Variants in RAI1 observed in about 807,000 individuals in gnomAD.
The protein encoded by RAI1 is retinoic acid-induced protein 1.
Under a neutral mutation model 123.8 loss-of-function variants are expected in RAI1, and 9 were observed. The observed-to-expected ratio is 0.07, with a 90% CI of 0.04 to 0.13. The LOEUF is 0.13. RAI1 is among the 10% of genes least tolerant of loss of function. The pLI, the probability that RAI1 is intolerant of heterozygous loss-of-function variation, is 1.00. For missense variants in RAI1, 2,256 were observed against 2,545.8 expected (o/e 0.89, Z 2.45); for synonymous variants, 1,231 against 1,127.3 (o/e 1.09, Z -1.84).
rs183251531 is a variant in RAI1, at chr17:17,793,345, C to G, written c.397C>G (p.Pro133Ala). 1 of 1,612,914 alleles carries G rather than the reference C, an allele frequency of 6.2e-7. No homozygotes were observed. Among genetic ancestry groups the G allele is most frequent in the East Asian group, 2.2e-5 (1 of 44,866 alleles). The stretch of plus-strand genomic sequence containing the variant: ...ACAGCCACCACCCCCACAGCCGCAG[C>G]CACTACCTGCAGGGGTGGCCAAGTA... ...APQPPPPQPQ[P>A]LPAGVAKYDE... The change falls in exon 3 of 6, where the codon CCA (proline) becomes GCA (alanine). Residue 133 changes from proline to alanine, a missense_variant. Pro to Ala is a conservative substitution (Grantham distance 27, BLOSUM62 -1). Around this residue, in one of 7 missense-constraint regions of RAI1, gnomAD observed 336 missense variants for 349.8 expected, o/e 0.96. Coordinates refer to ENST00000353383, the MANE Select transcript of RAI1 (RefSeq NM_030665.4).
At chr17:17,703,682 C>T (rs555717064) in intron 1 of RAI1, among the ~76,000 whole-genome samples, 3 of 152,116 alleles carry the variant, frequency 2.0e-5, no homozygotes, top group African/African-American at 4.8e-5. Context: ...CTCTGTTTGC[C>T]GAGGCTGGAG....
intron 2 of RAI1, among the ~76,000 whole-genome samples, chr17:17,764,319 T>G (rs2030826704): frequency 6.6e-6 from 1 of 152,096 alleles, no homozygotes; most frequent in African/African-American, 2.4e-5. Context: ...CCAAACACAC[T>G]CGGGTATAAC....
chr17:17,794,321 C>A lies in RAI1; in HGVS notation c.1373C>A (p.Ala458Asp). 6.2e-7 allele frequency: 1 copy of A among 1,613,160 alleles called. No individual in the cohort carries two copies. The highest frequency in any genetic ancestry group is 8.5e-7 in the Non-Finnish European group (1 of 1,180,024). Residue 458 changes from alanine to aspartate, a missense_variant, in exon 3 of 6, where the codon GCT (alanine) becomes GAT (aspartate). By Grantham distance (126) the Ala-to-Asp change is moderately radical. Transcript: ENST00000353383. The stretch of plus-strand genomic sequence containing the variant: ...CAGCAGCTGCTGCTCTCCAAGGCTG[C>A]TGTGCCGCAGAAGAAAGGTGTCAAG... ...TVQQLLLSKA[A>D]VPQKKGVKNL...
chr17:17,725,454 C>T (rs1304574941), intron 2 of RAI1, among the ~76,000 whole-genome samples: 3 of 152,122 alleles, frequency 2.0e-5, no homozygotes, highest in African/African-American at 7.2e-5. Flanking sequence ...GGAACTTCTC[C>T]TTTCCCATTG....
chr17:17,798,165 A>G lies in RAI1; in HGVS notation c.5217A>G (p.Thr1739=), dbSNP rs2032332594. The G allele has an allele frequency of 1.9e-6, 3 of 1,613,162 alleles. No individual in the cohort carries two copies. The highest frequency in any genetic ancestry group is 2.7e-5 in the African/African-American group (2 of 75,034). Residue 1739 remains threonine, a synonymous_variant, in exon 3 of 6, where the codon ACA becomes ACG. Coordinates refer to ENST00000353383, the MANE Select transcript of RAI1 (RefSeq NM_030665.4). ...CEEASLPLER[T]LKGPECAAAA... is the part of the protein sequence containing the mutation. ...AGGCCTCGCTGCCGCTTGAGAGAACACTCAAAGGTCCCGAGTGTGCAGCTG... is the reference window on the plus strand; with the variant it reads ...AGGCCTCGCTGCCGCTTGAGAGAACGCTCAAAGGTCCCGAGTGTGCAGCTG...
intron 2 of RAI1, among the ~76,000 whole-genome samples, chr17:17,743,719 C>T (rs559669351): frequency 2.0e-4 from 31 of 152,368 alleles, no homozygotes; most frequent in African/African-American, 7.0e-4. Context: ...GGCACATGCA[C>T]GGCTCCCGTC....
chr17:17,715,751 T>C (rs1352636362), intron 1 of RAI1, among the ~76,000 whole-genome samples: 1 of 152,170 alleles, frequency 6.6e-6, no homozygotes, highest in African/African-American at 2.4e-5. Context: ...CATTCAAAGT[T>C]TCCCCTGGAC....
At chr17:17,761,588 C>T (rs1171678047) in intron 2 of RAI1, among the ~76,000 whole-genome samples, 1 of 152,126 alleles carries the variant, frequency 6.6e-6, no homozygotes, top group Non-Finnish European at 1.5e-5. Context: ...AGGAGGTGAT[C>T]CCTGAACTAG....
chr17:17,799,618 C>T lies in RAI1; in HGVS notation c.5565+1105C>T, dbSNP rs767394995. Among the ~76,000 whole-genome samples, 23 of 152,202 alleles carry T rather than the reference C, an allele frequency of 1.5e-4. No individual in the cohort carries two copies. The highest frequency in any genetic ancestry group is 2.2e-4 in the Non-Finnish European group (15 of 68,028). On this transcript the variant is annotated intron_variant, in intron 3 of 5. Transcript: ENST00000353383. This position sits in a 1 kb window ranked among gnomAD's most constrained non-coding sequence, Gnocchi z 4.5. ...GCCCCTGCCCTGAGTCCCATCCCCTCCACTCCTTCCTTCAACCCACTATGT... is the reference window on the plus strand; with the variant it reads ...GCCCCTGCCCTGAGTCCCATCCCCTTCACTCCTTCCTTCAACCCACTATGT...
rs2032384273 is a variant in RAI1, at chr17:17,799,480, G to A, written c.5565+967G>A. ...ACCTCTCCCCCGGGGCCATGCTTCT[G>A]CCCCCACATTCAACCCCGACTCCAC... On this transcript the variant is annotated intron_variant, in intron 3 of 5. Transcript: ENST00000353383. This position sits in a 1 kb window ranked among gnomAD's most constrained non-coding sequence, Gnocchi z 4.5. Among the ~76,000 whole-genome samples, 1 of 152,100 alleles carries A rather than the reference G, an allele frequency of 6.6e-6. No individual in the cohort carries two copies. The highest frequency in any genetic ancestry group is 2.4e-5 in the African/African-American group (1 of 41,390).
At chr17:17,681,822 G>T (rs1274794499) in intron 1 of RAI1, 29 bp downstream of exon 1, 2 of 299,618 alleles carry the variant, frequency 6.7e-6, no homozygotes, top group Non-Finnish European at 1.2e-5. Context: ...GGCGCGGGGG[G>T]CGCAGTGTAT....
intron 2 of RAI1, among the ~76,000 whole-genome samples, chr17:17,770,612 C>T (rs1311881426): frequency 2.3e-5 from 3 of 129,816 alleles, no homozygotes; most frequent in Non-Finnish European, 3.2e-5. Flanking sequence ...GGCCTGCCAG[C>T]GGCCAGGGAG....
Position 17,748,092 on chromosome 17 carries a change from C to T in RAI1, c.-17+23933C>T, listed in dbSNP as rs150841561. ...GGCTAGGGTGGCCCCAGAGTCATGG[C>T]GGAAGGCGAAAGGCATGTCTTACAT... On this transcript the variant is annotated intron_variant, in intron 2 of 5. Coordinates refer to ENST00000353383, the MANE Select transcript of RAI1 (RefSeq NM_030665.4). 1.6e-3 allele frequency among the ~76,000 whole-genome samples: 241 copies of T among 152,290 alleles called. 1 individual carries two copies. Among genetic ancestry groups the T allele is most frequent in the African/African-American group, 5.5e-3 (227 of 41,558 alleles).
At chr17:17,730,910 G>A (rs1345348935) in intron 2 of RAI1, among the ~76,000 whole-genome samples, 1 of 152,260 alleles carries the variant, frequency 6.6e-6, no homozygotes, top group South Asian at 2.1e-4. Flanking sequence ...AGCCACAGGG[G>A]CCTTACTTCG....
chr17:17,694,652 G>A (rs1345568699), intron 1 of RAI1, among the ~76,000 whole-genome samples: 1 of 151,782 alleles, frequency 6.6e-6, no homozygotes, highest in Non-Finnish European at 1.5e-5. Flanking sequence ...CATCTTGGCC[G>A]CGCCGGAGCC....
In RAI1 at chr17:17,796,991, C is replaced by G; in HGVS notation, c.4043C>G (p.Ala1348Gly). 6.2e-7 allele frequency: 1 copy of G among 1,613,846 alleles called. No homozygotes were observed. Among genetic ancestry groups the G allele is most frequent in the Non-Finnish European group, 8.5e-7 (1 of 1,180,036 alleles). Reference protein sequence around the residue: ...SPSLKKFACKAPGASPGNPLS... With the variant: ...SPSLKKFACKGPGASPGNPLS... The stretch of plus-strand genomic sequence containing the variant: ...AGCCTCAAGAAGTTCGCATGTAAAG[C>G]GCCAGGGGCCTCTCCTGGTAATCCT... Residue 1348 changes from alanine to glycine, a missense_variant, in exon 3 of 6, where the codon GCG becomes GGG. Coordinates refer to ENST00000353383, the MANE Select transcript of RAI1 (RefSeq NM_030665.4). The surrounding 1 kb of genome is among the most constrained non-coding windows in gnomAD (Gnocchi z 5.8).
intron 2 of RAI1, among the ~76,000 whole-genome samples, chr17:17,762,057 G>GC (rs1319658841): frequency 6.6e-6 from 1 of 152,214 alleles, no homozygotes; most frequent in Admixed American, 6.5e-5. Flanking sequence ...AGTGCCACCA[G>GC]CAGCTACCCA....
At chr17:17,721,706 C>A (rs554852293) in intron 1 of RAI1, among the ~76,000 whole-genome samples, 94 of 152,342 alleles carry the variant, frequency 6.2e-4, no homozygotes, top group South Asian at 3.5e-3. Flanking sequence ...ATGGTATACA[C>A]AATGCGCATC....
At chr17:17,697,948 G>A (rs1230181042) in intron 1 of RAI1, among the ~76,000 whole-genome samples, 1 of 152,212 alleles carries the variant, frequency 6.6e-6, no homozygotes, top group Non-Finnish European at 1.5e-5. Flanking sequence ...TTTCATCAGT[G>A]GTGGGGCATT....
Sources: allele counts gnomAD v4.1 joint callset (sites outside exome capture counted in the v4.1 genomes callset), GRCh38; gene constraint gnomAD v4.1.1; regional missense constraint gnomAD v4.1.1; non-coding constraint Gnocchi (gnomAD v3.1); transcripts MANE v1.5; gene names NCBI Gene and HGNC (gene_info 2026-07-23, HGNC 2026-07-21).